TTC3: variants seen among roughly 807,000 people sequenced by gnomAD.
The protein encoded by TTC3 is E3 ubiquitin-protein ligase TTC3.
In TTC3, 180 loss-of-function variants were observed where a neutral mutation model predicts 249.6. The observed-to-expected ratio is 0.72, with a 90% CI of 0.64 to 0.82. The LOEUF is 0.82. TTC3 is among the 40% of genes least tolerant of loss of function. TTC3 has a pLI of 0.00. For missense variants in TTC3, 2,061 were observed against 2,398.4 expected (o/e 0.86, Z 2.94); for synonymous variants, 717 against 805.0 (o/e 0.89, Z 1.85).
At chr21:37,169,145 A>G (rs927992932) in intron 34 of TTC3, among the ~76,000 whole-genome samples, 18 of 152,206 alleles carry the variant, frequency 1.2e-4, no homozygotes, top group South Asian at 6.2e-4. Context: ...GGAGAGGTCT[A>G]TACAAGGCTG....
In TTC3 at chr21:37,198,140, A is replaced by G. The variant is rs954776502; in HGVS notation, c.5850+115A>G. On this transcript the variant is annotated intron_variant, in intron 44 of 45. Transcript: ENST00000355666. Reference sequence around the variant, plus strand: ...ACCTAATTTATTTGATCCCAACATTAGAAACTGAATTTCAATGTACTTGAA... The same window carrying G: ...ACCTAATTTATTTGATCCCAACATTGGAAACTGAATTTCAATGTACTTGAA... 6.3e-6 allele frequency: 8 copies of G among 1,274,360 alleles called. No homozygotes were observed. In the Admixed American group the frequency reaches 8.7e-5, roughly 14 times the overall value. The allele number at this position is 1,274,360 out of a possible 1,614,324, so 78.9% of individuals were successfully genotyped here.
chr21:37,198,300 C>G (rs1414939780), intron 44 of TTC3, among the ~76,000 whole-genome samples: 1 of 152,224 alleles, frequency 6.6e-6, no homozygotes, highest in East Asian at 1.9e-4. Flanking sequence ...TGAGCCTTCT[C>G]TCTCTTGCCC....
At chr21:37,123,420 T>G (rs1182548419) in intron 13 of TTC3, among the ~76,000 whole-genome samples, 2 of 152,140 alleles carry the variant, frequency 1.3e-5, no homozygotes, top group African/African-American at 4.8e-5. Context: ...CACAATTACT[T>G]TTGCACCAAC....
intron 21 of TTC3, among the ~76,000 whole-genome samples, chr21:37,146,636 C>T (rs576285746): frequency 6.6e-6 from 1 of 152,126 alleles, no homozygotes; most frequent in Non-Finnish European, 1.5e-5. Context: ...ATGAAATCTC[C>T]AGAATAAGCA....
At chr21:37,131,410 T>G (rs2077459505) in intron 16 of TTC3, among the ~76,000 whole-genome samples, 1 of 152,194 alleles carries the variant, frequency 6.6e-6, no homozygotes, top group Non-Finnish European at 1.5e-5. Context: ...ATGGGGAGCT[T>G]CTGGGCTGAC....
intron 19 of TTC3, among the ~76,000 whole-genome samples, chr21:37,139,147 C>T (rs990903126): frequency 6.6e-6 from 1 of 152,040 alleles, no homozygotes; most frequent in Non-Finnish European, 1.5e-5. Context: ...TAATGGCTGC[C>T]TTTAGTGATG....
intron 11 of TTC3, among the ~76,000 whole-genome samples, chr21:37,115,386 TTGG>T (rs2076055955): frequency 6.6e-6 from 1 of 152,004 alleles, no homozygotes; most frequent in South Asian, 2.1e-4. Context: ...TAGTCTGGTG[TTGG>T]TGGGTATGTG....
chr21:37,152,480 G>A (rs1006312984), intron 26 of TTC3, among the ~76,000 whole-genome samples: 23 of 148,382 alleles, frequency 1.6e-4, no homozygotes, highest in African/African-American at 4.7e-4. Flanking sequence ...TCCGCCTCCC[G>A]GGTTCACGCC....
At chr21:37,103,943 T>C (rs2074788859) in intron 10 of TTC3, among the ~76,000 whole-genome samples, 1 of 152,040 alleles carries the variant, frequency 6.6e-6, no homozygotes, top group South Asian at 2.1e-4. Context: ...GAGAGCATGA[T>C]TAGCACTTAA....
intron 1 of TTC3, chr21:37,084,036 A>G (rs1482333738): frequency 6.6e-6 from 1 of 152,238 alleles, no homozygotes; most frequent in Non-Finnish European, 1.5e-5. Flanking sequence ...AAAGGGAAAT[A>G]TTAACTAAAA....
chr21:37,197,034 G>T (rs763892241), intron 42 of TTC3, among the ~76,000 whole-genome samples: 13 of 152,232 alleles, frequency 8.5e-5, no homozygotes, highest in Non-Finnish European at 1.6e-4. Flanking sequence ...TAGAGGCGGT[G>T]TCTCTGAAGT....
intron 11 of TTC3, among the ~76,000 whole-genome samples, chr21:37,108,669 G>A (rs1241186162): frequency 6.6e-6 from 1 of 152,148 alleles, no homozygotes; most frequent in Non-Finnish European, 1.5e-5. Context: ...TGAGTCTTCA[G>A]GGTGCCTTAG....
intron 40 of TTC3, 33 bp from the exon 41 acceptor site, chr21:37,192,079 G>A: frequency 7.6e-7 from 1 of 1,309,812 alleles, no homozygotes; most frequent in Non-Finnish European, 1.1e-6. Flanking sequence ...ATTGACAATT[G>A]TGGTTTTCCC....
intron 35 of TTC3, among the ~76,000 whole-genome samples, chr21:37,177,269 C>T (rs114373871): frequency 1.8e-3 from 270 of 152,268 alleles, no homozygotes; most frequent in African/African-American, 6.2e-3. Context: ...GATGGCCACA[C>T]GGCACCTTTC....
intron 1 of TTC3, chr21:37,083,020 G>T: frequency 1.0e-6 from 1 of 985,366 alleles, no homozygotes; most frequent in Non-Finnish European, 1.2e-6. Context: ...TGGATCCATA[G>T]TGACCCTGCA....
rs756744492 is a variant in TTC3 at position 37,182,789 on chromosome 21, T to A, written c.4633T>A (p.Leu1545Ile). Residue 1545 changes from leucine to isoleucine, a missense_variant, in exon 36 of 46, where the codon TTA becomes ATA. This residue lies in a region of TTC3 where 1,040 missense variants were observed against 1,186.1 expected (regional missense o/e 0.88). Transcript: ENST00000355666. The stretch of plus-strand genomic sequence containing the variant: ...ATGTTTTTAGATCTCAAAGACGGAA[T>A]TAGATTGGTTCCTTCAAGATTTGGA... The A allele has an allele frequency of 6.3e-6, 10 of 1,591,816 alleles. No individual in the cohort carries two copies. In the South Asian group the frequency reaches 1.2e-4, roughly 18 times the overall value.
Position 37,158,808 on chromosome 21 carries a change from G to C in TTC3, c.2993-891G>C, listed in dbSNP as rs976751787. ...CTTTTCAGTATTAAGAGTATAACTTGTTTGTCATCAATCCAAATGAGCTTT... is the reference window on the plus strand; with the variant it reads ...CTTTTCAGTATTAAGAGTATAACTTCTTTGTCATCAATCCAAATGAGCTTT... On this transcript the variant is annotated intron_variant, in intron 28 of 45. Coordinates refer to ENST00000355666, the Ensembl canonical transcript of TTC3. Among the ~76,000 whole-genome samples the C allele has an allele frequency of 3.3e-5, 5 of 152,080 alleles. No homozygotes were observed. The East Asian group carries it at 9.6e-4, about 29-fold the overall frequency.
At chr21:37,175,189 G>C (rs1025788816) in intron 35 of TTC3, among the ~76,000 whole-genome samples, 3 of 146,862 alleles carry the variant, frequency 2.0e-5, no homozygotes, top group Non-Finnish European at 4.5e-5. Flanking sequence ...GCATGAACCC[G>C]GGAGGCGGAG....
At chr21:37,086,103 A>C (rs941943101) in intron 1 of TTC3, 5 of 152,232 alleles carry the variant, frequency 3.3e-5, no homozygotes, top group Non-Finnish European at 7.3e-5. Flanking sequence ...TTTGCTAGGA[A>C]GATTGTTATT....
Sources: allele counts gnomAD v4.1 joint callset (sites outside exome capture counted in the v4.1 genomes callset), GRCh38; gene constraint gnomAD v4.1.1; regional missense constraint gnomAD v4.1.1; transcripts MANE v1.5; gene names NCBI Gene and HGNC (gene_info 2026-07-23, HGNC 2026-07-21).